The following COL22A1 variants were observed in gnomAD, a reference collection of about 807,000 sequenced individuals.
COL22A1 encodes the protein collagen type XXII alpha 1 chain.
COL22A1 carries 221 observed loss-of-function variants against 248.9 expected under a neutral mutation model. That is an observed-to-expected ratio of 0.89 (90% CI 0.80 to 0.99). The LOEUF (loss-of-function observed/expected upper bound fraction) is 0.99, where lower values mean the gene tolerates loss of function less well. Ranked by LOEUF, COL22A1 falls within the 50% of genes least tolerant of loss-of-function variation. COL22A1 has a pLI of 0.00. For missense variants in COL22A1, 2,240 were observed against 2,179.0 expected, an observed-to-expected ratio of 1.03 and a Z score of -0.56; for synonymous variants, 891 against 793.4, an observed-to-expected ratio of 1.12 and a Z score of -2.07.
At chr8:138,833,487 G>A (rs1820205975) in intron 4 of COL22A1, among the ~76,000 whole-genome samples, 1 of 152,244 alleles carries the variant, frequency 6.6e-6, no homozygotes, top group Admixed American at 6.5e-5. Flanking sequence ...AAACCCAGAT[G>A]TGTGCTCTTC....
intron 22 of COL22A1, among the ~76,000 whole-genome samples, chr8:138,742,871 GT>G (rs1831752765): frequency 6.7e-6 from 1 of 149,906 alleles, no homozygotes; most frequent in Non-Finnish European, 1.5e-5. Flanking sequence ...GATGATGGTA[GT>G]AGTGATTGTG....
At chr8:138,831,910 C>T (rs1470042385) in intron 5 of COL22A1, among the ~76,000 whole-genome samples, 2 of 152,208 alleles carry the variant, frequency 1.3e-5, no homozygotes, top group Non-Finnish European at 2.9e-5. Flanking sequence ...CTGAAACTTA[C>T]TGGGCTGCAT....
rs1445034197 is a variant in COL22A1, at chr8:138,594,086, G to T, written c.4546C>A (p.Pro1516Thr). The change falls in exon 63 of 65, where the codon CCC (proline) becomes ACC (threonine). Residue 1516 changes from proline to threonine, a missense_variant. Physicochemically the swap from Pro to Thr is conservative, Grantham distance 38. Coordinates refer to ENST00000303045, the MANE Select transcript of COL22A1 (RefSeq NM_152888.3). ...CCAGGACGACCTGGCTCCCCCATGG[G>T]GCCGGCCCGGCCTGGAAGCCCATCT... ...GKDGLPGRAG[P>T]MGEPGRPGQG... 6.9e-6 allele frequency: 11 copies of T among 1,585,410 alleles called. No homozygotes were observed. The highest frequency in any genetic ancestry group is 9.4e-6 in the Non-Finnish European group (11 of 1,170,784).
intron 23 of COL22A1, among the ~76,000 whole-genome samples, chr8:138,730,143 G>C (rs1235232830): frequency 1.3e-5 from 2 of 152,222 alleles, no homozygotes; most frequent in Non-Finnish European, 2.9e-5. Flanking sequence ...ATTACCACAA[G>C]GCCCCTGGAC....
chr8:138,684,584 C>T (rs527787380), intron 38 of COL22A1, 115 bp from the exon 39 acceptor site: 1 of 770,654 alleles, frequency 1.3e-6, no homozygotes, highest in Admixed American at 2.0e-5. Flanking sequence ...GGGTGAGACT[C>T]ACTATGACCT....
rs138192640 is a variant in COL22A1, at chr8:138,598,192, C to A, written c.4365+527G>T. On this transcript the variant is annotated intron_variant, in intron 61 of 64. Transcript: ENST00000303045. ...AAAGGATGTTTAAAGAAAGAAAAAA[C>A]CATCATCACTCTAAATAAGCCCTTG... Among the ~76,000 whole-genome samples, 16 of 152,248 alleles carry A rather than the reference C, an allele frequency of 1.1e-4. 1 individual carries two copies. The East Asian group carries it at 2.3e-3, about 22-fold the overall frequency.
Position 138,812,968 on chromosome 8 carries a change from C to T in COL22A1, c.1297G>A (p.Glu433Lys). ...CCCGAGGGGATATCACAACAAGTCT[C>T]CAATTCTGCGTGTCTCGAGTCACAA... is the stretch of plus-strand genomic sequence containing the variant. ...IYCDSRHAELETCCDIPSGPC... is the reference protein window; with the variant it reads ...IYCDSRHAELKTCCDIPSGPC... The change falls in exon 8 of 65, where the codon GAG (glutamate) becomes AAG (lysine). Residue 433 changes from glutamate to lysine, a missense_variant. Physicochemically the swap from Glu to Lys is moderately conservative, Grantham distance 56 (BLOSUM62 1). Coordinates refer to ENST00000303045, the MANE Select transcript of COL22A1 (RefSeq NM_152888.3). 1 of 1,614,028 alleles carries T rather than the reference C, an allele frequency of 6.2e-7. No homozygotes were observed. Among genetic ancestry groups the T allele is most frequent in the African/African-American group, 1.3e-5 (1 of 75,034 alleles).
intron 30 of COL22A1, among the ~76,000 whole-genome samples, chr8:138,705,567 A>G (rs1474394821): frequency 6.6e-6 from 1 of 152,230 alleles, no homozygotes; most frequent in Non-Finnish European, 1.5e-5. Flanking sequence ...AATCCTTTAC[A>G]GACAAGCAAA....
chr8:138,684,088 T>A (rs1210267404), intron 39 of COL22A1, among the ~76,000 whole-genome samples: 3 of 151,832 alleles, frequency 2.0e-5, no homozygotes, highest in African/African-American at 7.3e-5. Context: ...TGAAACCCCA[T>A]CTCTACTAAA....
intron 4 of COL22A1, among the ~76,000 whole-genome samples, chr8:138,836,100 G>T (rs1820411129): frequency 6.6e-6 from 1 of 152,130 alleles, no homozygotes; most frequent in Non-Finnish European, 1.5e-5. Context: ...GTGAGACCCT[G>T]TCTTTACTAA....
At chr8:138,650,061 C>T (rs1190721266) in intron 45 of COL22A1, among the ~76,000 whole-genome samples, 1 of 152,130 alleles carries the variant, frequency 6.6e-6, no homozygotes, top group Admixed American at 6.5e-5. Context: ...GGAAGGATAG[C>T]CTGAGGAAAT....
intron 3 of COL22A1, among the ~76,000 whole-genome samples, chr8:138,854,077 G>A (rs1233776325): frequency 2.0e-5 from 3 of 152,216 alleles, no homozygotes; most frequent in Admixed American, 6.5e-5. Context: ...CTGTCACATG[G>A]CAGATGAGGG....
intron 4 of COL22A1, among the ~76,000 whole-genome samples, chr8:138,838,630 T>C (rs1820615628): frequency 7.4e-6 from 1 of 135,654 alleles, no homozygotes; most frequent in African/African-American, 2.7e-5. Context: ...CAACAAAACT[T>C]GGAACAACAA....
chr8:138,901,733 T>C (rs1814588671), intron 1 of COL22A1, among the ~76,000 whole-genome samples: 1 of 152,040 alleles, frequency 6.6e-6, no homozygotes, highest in Non-Finnish European at 1.5e-5. Flanking sequence ...TTAAGACTCA[T>C]GGACAAACCC....
At chr8:138,882,359 T>C (rs11166854) in intron 2 of COL22A1, among the ~76,000 whole-genome samples, 96,528 of 148,814 alleles carry the variant, frequency 0.65, 32,652 homozygotes, top group East Asian at 0.88. Context: ...CACACTCCCT[T>C]AAACTCACAC....
At chr8:138,612,971 G>A (rs1818995747) in intron 56 of COL22A1, among the ~76,000 whole-genome samples, 1 of 149,158 alleles carries the variant, frequency 6.7e-6, no homozygotes, top group Non-Finnish European at 1.5e-5. Context: ...AGCAGGGGCT[G>A]GGCACGGTGG....
intron 15 of COL22A1, among the ~76,000 whole-genome samples, chr8:138,776,702 G>A (rs1253862913): frequency 2.6e-5 from 4 of 151,434 alleles, no homozygotes; most frequent in Non-Finnish European, 4.4e-5. Context: ...AGCCCTGAAC[G>A]CTGCATTTTC....
chr8:138,768,779 T>G (rs1834114658), intron 16 of COL22A1, among the ~76,000 whole-genome samples: 1 of 151,868 alleles, frequency 6.6e-6, no homozygotes, highest in African/African-American at 2.4e-5. Flanking sequence ...CTACTAAAAA[T>G]ACAAAAAATT....
At chr8:138,784,204 G>A (rs559903791) in intron 12 of COL22A1, among the ~76,000 whole-genome samples, 2 of 152,284 alleles carry the variant, frequency 1.3e-5, no homozygotes, top group South Asian at 2.1e-4. Context: ...TTTGGAAGGC[G>A]GGAGACATGC....
Sources: allele counts gnomAD v4.1 joint callset (sites outside exome capture counted in the v4.1 genomes callset), GRCh38; gene constraint gnomAD v4.1.1; transcripts MANE v1.5; gene names NCBI Gene and HGNC (gene_info 2026-07-23, HGNC 2026-07-21).